Variants in IPMK observed in about 807,000 individuals in gnomAD.
IPMK encodes the protein inositol 1,3,4,6-tetrakisphosphate 5-kinase.
A neutral mutation model predicts 45.8 loss-of-function variants in IPMK; 17 were observed. The observed-to-expected ratio is 0.37, with a 90% CI of 0.25 to 0.56. IPMK has a LOEUF of 0.56. Among genes scored for constraint, IPMK ranks in the 20% least tolerant of loss-of-function variants. The probability of loss-of-function intolerance (pLI) is 0.79; values close to 1 mark genes in which losing one functional copy is unlikely to be tolerated. For missense variants in IPMK, 399 were observed against 498.0 expected (o/e 0.80, Z 1.89); for synonymous variants, 180 against 184.3 (o/e 0.98, Z 0.19).
At chr10:58,212,453 T>G (rs1012477306) in intron 4 of IPMK, 19 of 170,298 alleles carry the variant, frequency 1.1e-4, no homozygotes, top group African/African-American at 4.3e-4. Flanking sequence ...CCATTTGTCT[T>G]AAGACCTGGT....
At chr10:58,232,748 C>A (rs1486063601) in intron 2 of IPMK, among the ~76,000 whole-genome samples, 1 of 152,122 alleles carries the variant, frequency 6.6e-6, no homozygotes, top group Non-Finnish European at 1.5e-5. Context: ...AAAATCGACA[C>A]CCTAACGTCA....
At chr10:58,210,817 G>C (rs1428885716) in intron 4 of IPMK, among the ~76,000 whole-genome samples, 2 of 152,182 alleles carry the variant, frequency 1.3e-5, no homozygotes. Context: ...CTAACTCACA[G>C]AGTTTGCAGT....
At chr10:58,250,025 T>C (rs1838859377) in intron 1 of IPMK, among the ~76,000 whole-genome samples, 1 of 152,214 alleles carries the variant, frequency 6.6e-6, no homozygotes, top group African/African-American at 2.4e-5. Context: ...CAGTTCACTA[T>C]TACGTTCCAT....
At chr10:58,243,980 C>T (rs1215260510) in intron 1 of IPMK, among the ~76,000 whole-genome samples, 21 of 650 alleles carry the variant, frequency 0.032, no homozygotes, top group South Asian at 0.25. Flanking sequence ...CTGCCTGGCG[C>T]GCCGCCCCGT....
At chr10:58,204,875 T>C (rs1271269460) in intron 4 of IPMK, among the ~76,000 whole-genome samples, 1 of 152,078 alleles carries the variant, frequency 6.6e-6, no homozygotes, top group Admixed American at 6.6e-5. Context: ...GCAACATTAA[T>C]CAAAACAGTG....
intron 4 of IPMK, among the ~76,000 whole-genome samples, chr10:58,203,491 A>G (rs1346292020): frequency 2.0e-5 from 3 of 152,028 alleles, no homozygotes; most frequent in Non-Finnish European, 4.4e-5. Context: ...TAATTTTTGT[A>G]TTCTTTTGTA....
At chr10:58,210,948 T>C (rs912637975) in intron 4 of IPMK, among the ~76,000 whole-genome samples, 4 of 152,244 alleles carry the variant, frequency 2.6e-5, no homozygotes, top group Non-Finnish European at 5.9e-5. Flanking sequence ...ACGTGGAAGA[T>C]GCACATTAGC....
At chr10:58,212,958 A>G in intron 4 of IPMK, 1 of 200,544 alleles carries the variant, frequency 5.0e-6, no homozygotes, top group Admixed American at 4.9e-5. Flanking sequence ...GGCACAGCCC[A>G]TCTGCAATCT....
chr10:58,202,508 T>G (rs748641929), intron 4 of IPMK, among the ~76,000 whole-genome samples: 62 of 152,072 alleles, frequency 4.1e-4, no homozygotes, highest in African/African-American at 1.4e-3. Context: ...CTACAAAAAA[T>G]TTAAAAATTA....
intron 5 of IPMK, 50 bp downstream of exon 5, chr10:58,199,190 G>C (rs1837960536): frequency 1.8e-6 from 2 of 1,097,660 alleles, no homozygotes; most frequent in Non-Finnish European, 2.7e-6. Context: ...AATAACTTTA[G>C]AAGTCTTTTA....
At chr10:58,233,884 G>A (rs1471107903) in intron 2 of IPMK, among the ~76,000 whole-genome samples, 5 of 152,162 alleles carry the variant, frequency 3.3e-5, no homozygotes, top group Non-Finnish European at 5.9e-5. Flanking sequence ...AATTGTCCCT[G>A]TTTGTAGATG....
chr10:58,257,155 A>G (rs928469953), intron 1 of IPMK, among the ~76,000 whole-genome samples: 1 of 152,240 alleles, frequency 6.6e-6, no homozygotes, highest in Admixed American at 6.5e-5. Flanking sequence ...TACATTATAT[A>G]CATACTAAGA....
Position 58,193,899 on chromosome 10 carries a change from T to A in IPMK, c.*2177A>T, listed in dbSNP as rs2132138650. ...ATTCTGTTATACCTAAGCCTACTTA[T>A]AAAGCAACATAAAATGAGCATTGGA... On this transcript the variant is annotated 3_prime_UTR_variant, in exon 6 of 6. Transcript: ENST00000373935. The A allele has an allele frequency of 6.6e-6, 1 of 151,932 alleles. No individual in the cohort carries two copies. The highest frequency in any genetic ancestry group is 3.4e-3 in the Middle Eastern group (1 of 292). The allele number at this position is 151,932 out of a possible 1,614,324, so 9.4% of individuals were successfully genotyped here. A position where few individuals can be genotyped will look rare whatever the true frequency, so the allele number is the denominator to read the frequency against.
At chr10:58,243,686 C>G (rs1838734374) in intron 1 of IPMK, among the ~76,000 whole-genome samples, 2 of 152,348 alleles carry the variant, frequency 1.3e-5, no homozygotes, top group South Asian at 4.1e-4. Flanking sequence ...GTTGCCCAGG[C>G]TGGAGTGCAG....
chr10:58,199,381 C>G (rs971013650), intron 4 of IPMK, 60 bp from the exon 5 acceptor site: 2 of 1,104,630 alleles, frequency 1.8e-6, no homozygotes, highest in Non-Finnish European at 2.6e-6. Flanking sequence ...TGGGGTTATC[C>G]CAGCCACAAG....
At chr10:58,242,040 C>T (rs1218959100) in intron 1 of IPMK, among the ~76,000 whole-genome samples, 1 of 151,906 alleles carries the variant, frequency 6.6e-6, no homozygotes, top group Admixed American at 6.6e-5. Flanking sequence ...CAGTCCTACA[C>T]ATGATGCCCA....
chr10:58,239,858 A>T (rs1838670993), intron 1 of IPMK, among the ~76,000 whole-genome samples: 1 of 152,184 alleles, frequency 6.6e-6, no homozygotes, highest in African/African-American at 2.4e-5. Context: ...TGAAACTGAG[A>T]CTGCAGCCTA....
At chr10:58,246,480 A>G (rs530985765) in intron 1 of IPMK, among the ~76,000 whole-genome samples, 1 of 143,546 alleles carries the variant, frequency 7.0e-6, no homozygotes, top group South Asian at 2.2e-4. Context: ...AACAGAAAAG[A>G]GCCCTCAGAA....
chr10:58,255,795 G>A (rs192137415), intron 1 of IPMK, among the ~76,000 whole-genome samples: 19 of 152,224 alleles, frequency 1.2e-4, no homozygotes, highest in Middle Eastern at 6.8e-3. Flanking sequence ...CGGAGGGACC[G>A]GCTGAAGCCA....
Sources: allele counts gnomAD v4.1 joint callset (sites outside exome capture counted in the v4.1 genomes callset), GRCh38; gene constraint gnomAD v4.1.1; transcripts MANE v1.5; gene names NCBI Gene and HGNC (gene_info 2026-07-23, HGNC 2026-07-21).